The following SCG3 variants were observed in gnomAD, a reference collection of about 807,000 sequenced individuals.
SCG3 encodes the protein secretogranin-3.
In SCG3, 38 loss-of-function variants were observed where a neutral mutation model predicts 56.2. The ratio of observed to expected loss-of-function variants is 0.68; its 90% confidence interval spans 0.52 to 0.89. The LOEUF is 0.89. Ranked by LOEUF, SCG3 falls within the 40% of genes least tolerant of loss-of-function variation. The probability of loss-of-function intolerance (pLI) is 0.00; values close to 1 mark genes in which losing one functional copy is unlikely to be tolerated. For synonymous variants in SCG3, 176 were observed against 184.2 expected (o/e 0.96, Z 0.36); for missense variants, 524 against 540.7 (o/e 0.97, Z 0.31).
intron 1 of SCG3, among the ~76,000 whole-genome samples, 159 bp from the exon 2 acceptor site, chr15:51,682,358 G>T (rs2141555423): frequency 6.6e-6 from 1 of 150,956 alleles, no homozygotes; most frequent in South Asian, 2.1e-4. Context: ...TACTATTATT[G>T]TATAATCTTG....
chr15:51,696,140 A>G (rs1032123703), intron 8 of SCG3, 149 bp downstream of exon 8: 23 of 645,462 alleles, frequency 3.6e-5, no homozygotes, highest in Middle Eastern at 3.7e-4. Context: ...AATATATACA[A>G]ATAAAATTAA....
intron 10 of SCG3, among the ~76,000 whole-genome samples, chr15:51,703,824 T>A (rs923844940): frequency 5.3e-5 from 8 of 152,182 alleles, no homozygotes; most frequent in African/African-American, 1.9e-4. Flanking sequence ...TTTTCCTATC[T>A]TATACATTTT....
chr15:51,682,344 T>C (rs1199982813), intron 1 of SCG3, among the ~76,000 whole-genome samples, 173 bp from the exon 2 acceptor site: 1 of 152,134 alleles, frequency 6.6e-6, no homozygotes, highest in African/African-American at 2.4e-5. Flanking sequence ...GCAATATTGA[T>C]AATTACTATT....
intron 7 of SCG3, chr15:51,693,092 T>C (rs1052627848): frequency 6.6e-6 from 1 of 152,220 alleles, no homozygotes; most frequent in Non-Finnish European, 1.5e-5. Flanking sequence ...TCTTCTTCGA[T>C]GAGTTTGACT....
intron 10 of SCG3, among the ~76,000 whole-genome samples, chr15:51,703,286 TA>T (rs1200392300): frequency 6.6e-6 from 1 of 152,162 alleles, no homozygotes; most frequent in East Asian, 1.9e-4. Context: ...TATTCACACT[TA>T]ATAGACGCAT....
At chr15:51,696,292 G>C (rs576200809) in intron 8 of SCG3, among the ~76,000 whole-genome samples, 17 of 152,208 alleles carry the variant, frequency 1.1e-4, no homozygotes, top group African/African-American at 2.9e-4. Context: ...GCTCACACCT[G>C]TAATCCCAGC....
At chr15:51,713,291 A>G in intron 10 of SCG3, 42 bp from the exon 11 acceptor site, 1 of 1,274,468 alleles carries the variant, frequency 7.8e-7, no homozygotes, top group Non-Finnish European at 1.1e-6. Flanking sequence ...AGATGTAGTG[A>G]TATTTCCTGA....
Position 51,699,318 on chromosome 15 carries a change from G to GA in SCG3, c.989dup (p.Asn330LysfsTer4), listed in dbSNP as rs772551434. 2 of 1,597,360 alleles carry GA rather than the reference G, an allele frequency of 1.3e-6. No individual in the cohort carries two copies. Among genetic ancestry groups the GA allele is most frequent in the Admixed American group, 1.8e-5 (1 of 55,898 alleles). On this transcript the variant is annotated frameshift_variant and splice_region_variant. Coordinates refer to ENST00000220478, the MANE Select transcript of SCG3 (RefSeq NM_013243.4). LOFTEE classifies it high-confidence loss of function. ...TAAATTTCTTTCCTTCCTCCCTCCA[G>GA]AAAACTTGGATGAAATGATTGCTCT... is the stretch of plus-strand genomic sequence containing the variant.
chr15:51,713,847 G>A (rs2055436672), intron 11 of SCG3, among the ~76,000 whole-genome samples: 1 of 152,166 alleles, frequency 6.6e-6, no homozygotes, highest in South Asian at 2.1e-4. Flanking sequence ...GCAAAACACA[G>A]AACCAGGCCC....
chr15:51,695,123 T>A (rs1441537567), intron 7 of SCG3, among the ~76,000 whole-genome samples: 1 of 152,192 alleles, frequency 6.6e-6, no homozygotes, highest in East Asian at 1.9e-4. Context: ...AATATTACTT[T>A]CCATTTTTAT....
chr15:51,689,930 C>G (rs1428050284), intron 6 of SCG3, among the ~76,000 whole-genome samples: 1 of 151,892 alleles, frequency 6.6e-6, no homozygotes, highest in African/African-American at 2.4e-5. Flanking sequence ...ATCTTATACC[C>G]CACAGTAAAA....
At position 51,701,148 on chromosome 15, in the gene SCG3, G is replaced by C; in HGVS notation, c.1111G>C (p.Glu371Gln). The C allele has an allele frequency of 6.2e-7, 1 of 1,613,940 alleles. No individual in the cohort carries two copies. Among genetic ancestry groups the C allele is most frequent in the African/African-American group, 1.3e-5 (1 of 75,026 alleles). Residue 371 changes from glutamate to glutamine, a missense_variant, in exon 10 of 12, where the codon GAA (glutamate) becomes CAA (glutamine). Transcript: ENST00000220478. ...KSHEETDSTK[E>Q]EAAKMEKEYG... is the part of the protein sequence containing the mutation. The stretch of plus-strand genomic sequence containing the variant: ...TCATGAAGAAACAGACAGTACCAAG[G>C]AAGAAGCAGCTAAGATGGAAAAGGA...
Position 51,683,313 on chromosome 15 carries a change from A to G in SCG3, c.276A>G (p.Gln92=). ...AGGAAAAAATTGAGAAAGAAAGACA[A>G]TCTATAAGAAGCTCCCCACTTGATA... ...TEKEKIEKER[Q]SIRSSPLDNK... Residue 92 remains glutamine (Q), a synonymous_variant, in exon 4 of 12, where the codon CAA becomes CAG. Transcript: ENST00000220478. 6.2e-7 allele frequency: 1 copy of G among 1,613,562 alleles called. No individual in the cohort carries two copies. Among genetic ancestry groups the G allele is most frequent in the Non-Finnish European group, 8.5e-7 (1 of 1,179,550 alleles).
At chr15:51,717,771 T>C (rs1043541127) in intron 11 of SCG3, among the ~76,000 whole-genome samples, 2 of 152,206 alleles carry the variant, frequency 1.3e-5, no homozygotes, top group African/African-American at 4.8e-5. Flanking sequence ...CGTGTTCACC[T>C]ATCTGGAAGC....
chr15:51,715,952 G>T (rs554120223), intron 11 of SCG3, among the ~76,000 whole-genome samples: 1 of 152,116 alleles, frequency 6.6e-6, no homozygotes, highest in South Asian at 2.1e-4. Flanking sequence ...CCGCCTCCAG[G>T]GTTCACGCCA....
Position 51,704,244 on chromosome 15 carries a change from C to CATACATACATATATAT in SCG3, c.1207+3003_1207+3004insCATACATATATATATA, listed in dbSNP as rs751546589. Among the ~76,000 whole-genome samples the CATACATACATATATAT allele has an allele frequency of 1.5e-4, 11 of 73,632 alleles. 1 individual carries two copies. The highest frequency in any genetic ancestry group is 1.0e-3 in the East Asian group (2 of 1,926). The allele number at this position is 73,632 out of a possible 152,430, so 48.3% of individuals were successfully genotyped here. ...ATATGTGTGTATACATACATACATA[C>CATACATACATATATAT]ATATATATATATATATATATATATA... On this transcript the variant is annotated intron_variant, in intron 10 of 11. Transcript: ENST00000220478.
chr15:51,698,752 A>G (rs1381772152), intron 8 of SCG3, among the ~76,000 whole-genome samples: 1 of 151,828 alleles, frequency 6.6e-6, no homozygotes, highest in Non-Finnish European at 1.5e-5. Flanking sequence ...TAGCTGGGAC[A>G]GTCCCAATTT....
At position 51,681,557 on chromosome 15, in the gene SCG3, G is replaced by T; in HGVS notation, c.-199G>T. The T allele has an allele frequency of 1.7e-6, 1 of 584,552 alleles. No individual in the cohort carries two copies. The highest frequency in any genetic ancestry group is 2.0e-5 in the South Asian group (1 of 49,152). The allele number at this position is 584,552 out of a possible 1,614,324, so 36.2% of individuals were successfully genotyped here. ...AGCGCTCCCCTCTACCTGGAGACTT[G>T]ACTCCCGCGCGCCCCAACCCTGCTT... On this transcript the variant is annotated 5_prime_UTR_variant, in exon 1 of 12. Coordinates refer to ENST00000220478, the MANE Select transcript of SCG3 (RefSeq NM_013243.4).
intron 10 of SCG3, among the ~76,000 whole-genome samples, chr15:51,710,649 C>T (rs574711813): frequency 1.3e-4 from 20 of 152,042 alleles, no homozygotes; most frequent in African/African-American, 4.8e-4. Context: ...TGCAGTGGTG[C>T]AATCTTGGCT....
Sources: gnomAD v4.1 joint callset for allele counts (sites outside exome capture counted in the v4.1 genomes callset) on GRCh38, gnomAD v4.1.1 for gene constraint, MANE v1.5 for transcripts, NCBI Gene and HGNC (gene_info 2026-07-23, HGNC 2026-07-21) for gene names.